The following RGS13 variants were observed in gnomAD, a reference collection of about 807,000 sequenced individuals.
RGS13 encodes the protein regulator of G protein signaling 13.
In RGS13, 14 loss-of-function variants were observed where a neutral mutation model predicts 19.9. The ratio of observed to expected loss-of-function variants is 0.70; its 90% CI spans 0.46 to 1.10. The LOEUF is 1.10. RGS13 is among the 50% of genes least tolerant of loss of function. RGS13 has a pLI of 0.00. For missense variants in RGS13, 205 were observed against 187.1 expected (o/e 1.10, Z -0.56); for synonymous variants, 60 against 56.8 (o/e 1.06, Z -0.25).
chr1:192,650,793 C>T (rs570142338), intron 5 of RGS13, among the ~76,000 whole-genome samples: 1 of 151,938 alleles, frequency 6.6e-6, no homozygotes, highest in Non-Finnish European at 1.5e-5. Context: ...TTTAATGCTA[C>T]ATTATTTGCA....
At chr1:192,645,235 T>C (rs1045222926) in intron 4 of RGS13, 4 of 152,196 alleles carry the variant, frequency 2.6e-5, no homozygotes, top group African/African-American at 9.6e-5. Context: ...ACAGCTCTCC[T>C]TTCTTCGAAT....
chr1:192,645,061 A>G (rs923949041), intron 4 of RGS13: 2 of 152,280 alleles, frequency 1.3e-5, no homozygotes, highest in African/African-American at 4.8e-5. Context: ...AAATACCAAA[A>G]TGTCCAAAAA....
rs1663575247 is a variant in RGS13, at chr1:192,659,612, A to T, written c.*89A>T. 1 of 885,972 alleles carries T rather than the reference A, an allele frequency of 1.1e-6. No individual in the cohort carries two copies. The highest frequency in any genetic ancestry group is 1.7e-6 in the Non-Finnish European group (1 of 576,230). 54.9% of individuals were successfully genotyped at this position (885,972 alleles called of 1,614,324 possible). ...TAGAAACCCACAAAATCAGAAACACAGTACAAATAAAACAGAAATCAAACT... is the reference window on the plus strand; with the variant it reads ...TAGAAACCCACAAAATCAGAAACACTGTACAAATAAAACAGAAATCAAACT... On this transcript the variant is annotated 3_prime_UTR_variant, in exon 7 of 7. Transcript: ENST00000391995.
At chr1:192,651,578 G>GAGGAATGCAAAGTAGGAATGCAAAGT (rs1018534070) in intron 5 of RGS13, among the ~76,000 whole-genome samples, 5 of 151,600 alleles carry the variant, frequency 3.3e-5, no homozygotes, top group African/African-American at 1.2e-4. Context: ...AAGAAAAATA[G>GAGGAATGCAAAGTAGGAATGCAAAGT]AGGAATGCAA....
At chr1:192,646,192 C>A (rs1449703781) in intron 4 of RGS13, 1 of 152,136 alleles carries the variant, frequency 6.6e-6, no homozygotes, top group Admixed American at 6.6e-5. Context: ...TGGCAGGATC[C>A]GTCTGAATTT....
intron 3 of RGS13, among the ~76,000 whole-genome samples, chr1:192,640,354 T>G (rs1021277038): frequency 6.6e-6 from 1 of 152,158 alleles, no homozygotes; most frequent in Non-Finnish European, 1.5e-5. Context: ...TTTTTTAGTC[T>G]CAATTAATTT....
At chr1:192,644,575 A>G (rs1421203038) in intron 4 of RGS13, 176 bp downstream of exon 4, 10 of 549,896 alleles carry the variant, frequency 1.8e-5, no homozygotes, top group Non-Finnish European at 3.3e-5. Context: ...TCTTGTTTTC[A>G]TTATTCATGG....
chr1:192,655,251 CAT>C (rs1238293025), intron 5 of RGS13, among the ~76,000 whole-genome samples: 5 of 152,252 alleles, frequency 3.3e-5, no homozygotes, highest in African/African-American at 1.2e-4. Context: ...ATGCCAATCA[CAT>C]GAGTCCGCTC....
intron 5 of RGS13, among the ~76,000 whole-genome samples, chr1:192,652,320 T>C (rs1663357180): frequency 6.6e-6 from 1 of 152,080 alleles, no homozygotes; most frequent in Non-Finnish European, 1.5e-5. Context: ...CTCCCTTTTG[T>C]ACATCCTGAT....
At chr1:192,642,490 T>A (rs1055502750) in intron 3 of RGS13, among the ~76,000 whole-genome samples, 1 of 151,194 alleles carries the variant, frequency 6.6e-6, no homozygotes, top group Non-Finnish European at 1.5e-5. Context: ...CCCAGCTAAT[T>A]TTTTTTTTCT....
intron 5 of RGS13, among the ~76,000 whole-genome samples, chr1:192,655,718 T>G (rs1402321001): frequency 3.3e-5 from 5 of 152,080 alleles, no homozygotes; most frequent in Non-Finnish European, 5.9e-5. Context: ...TACCATATTT[T>G]TAATAGTATA....
intron 5 of RGS13, among the ~76,000 whole-genome samples, chr1:192,653,872 G>C (rs1663386645): frequency 1.3e-5 from 2 of 151,628 alleles, no homozygotes. Context: ...GAAGTTTTCT[G>C]CATTAAAAAC....
rs542195638 is a variant in RGS13 at position 192,638,769 on chromosome 1, A to T, written c.-5+566A>T. On this transcript the variant is annotated intron_variant, in intron 3 of 6. Coordinates refer to ENST00000391995, the MANE Select transcript of RGS13 (RefSeq NM_002927.5). Reference sequence around the variant, plus strand: ...ATTTATTCTATGCATAACACATGTCATACACAATTCTGTCACTAAATATTT... The same window carrying T: ...ATTTATTCTATGCATAACACATGTCTTACACAATTCTGTCACTAAATATTT... Among the ~76,000 whole-genome samples the T allele has an allele frequency of 2.8e-4, 43 of 152,266 alleles. 1 individual carries two copies. The South Asian group carries it at 8.7e-3, about 31-fold the overall frequency.
intron 5 of RGS13, among the ~76,000 whole-genome samples, chr1:192,655,884 TAGAC>T (rs999415765): frequency 6.6e-5 from 10 of 151,886 alleles, no homozygotes; most frequent in African/African-American, 1.7e-4. Context: ...AGATAGATGA[TAGAC>T]AGACAGATAG....
intron 5 of RGS13, 140 bp from the exon 6 acceptor site, chr1:192,658,061 G>A: frequency 1.6e-6 from 1 of 620,412 alleles, no homozygotes; most frequent in South Asian, 2.2e-5. Context: ...CATGAAAATT[G>A]ATATATAGAG....
chr1:192,639,812 C>T (rs1663075495), intron 3 of RGS13, among the ~76,000 whole-genome samples: 1 of 152,140 alleles, frequency 6.6e-6, no homozygotes, highest in South Asian at 2.1e-4. Context: ...TATACTCTGT[C>T]AACTTGCAGG....
chr1:192,638,918 C>T (rs1345537305), intron 3 of RGS13, among the ~76,000 whole-genome samples: 1 of 152,034 alleles, frequency 6.6e-6, no homozygotes, highest in African/African-American at 2.4e-5. Context: ...TATATGTAAT[C>T]ATCAAATAAC....
Position 192,659,641 on chromosome 1 carries a change from A to G in RGS13, c.*118A>G, listed in dbSNP as rs1463724232. 1.4e-6 allele frequency: 1 copy of G among 731,744 alleles called. No individual in the cohort carries two copies. Among genetic ancestry groups the G allele is most frequent in the African/African-American group, 1.8e-5 (1 of 55,014 alleles). 45.3% of individuals were successfully genotyped at this position (731,744 alleles called of 1,614,324 possible). A position where few individuals can be genotyped will look rare whatever the true frequency, so the allele number is the denominator to read the frequency against. ...CAAATAAAACAGAAATCAAACTATA[A>G]GTTGACTTTTAGTTCCTAAAAAGAA... is the stretch of plus-strand genomic sequence containing the variant. On this transcript the variant is annotated 3_prime_UTR_variant, in exon 7 of 7. Transcript: ENST00000391995.
At chr1:192,641,781 A>AT (rs201567536) in intron 3 of RGS13, among the ~76,000 whole-genome samples, 131 of 152,030 alleles carry the variant, frequency 8.6e-4, no homozygotes, top group East Asian at 8.1e-3. Flanking sequence ...CGATCTCGTC[A>AT]TTTTTTTTGT....
Sources: allele counts gnomAD v4.1 joint callset (sites outside exome capture counted in the v4.1 genomes callset), GRCh38; gene constraint gnomAD v4.1.1; transcripts MANE v1.5; gene names NCBI Gene and HGNC (gene_info 2026-07-23, HGNC 2026-07-21).